The following VWA3B variants were observed in gnomAD, a reference collection of about 807,000 sequenced individuals.
The protein encoded by VWA3B is von Willebrand factor A domain containing 3B.
VWA3B carries 138 observed loss-of-function variants against 158.3 expected under a neutral mutation model. That is an observed-to-expected ratio of 0.87 (90% CI 0.76 to 1.00). The LOEUF (loss-of-function observed/expected upper bound fraction) is 1.00. VWA3B is among the 50% of genes least tolerant of loss of function. The pLI is 0.00. For missense variants in VWA3B, 1,555 were observed against 1,565.1 expected, an observed-to-expected ratio of 0.99 and a Z score of 0.11; for synonymous variants, 596 against 587.3, an observed-to-expected ratio of 1.01 and a Z score of -0.21.
chr2:98,213,322 C>T (rs1178645307), intron 13 of VWA3B, among the ~76,000 whole-genome samples: 2 of 152,196 alleles, frequency 1.3e-5, no homozygotes, highest in Non-Finnish European at 2.9e-5. Context: ...GAGAGGAACT[C>T]TCGGAGGAGC....
chr2:98,249,685 A>C (rs1686670247), intron 19 of VWA3B, among the ~76,000 whole-genome samples: 1 of 152,124 alleles, frequency 6.6e-6, no homozygotes. Flanking sequence ...CACAGAGAGA[A>C]AGAACTCAAA....
chr2:98,236,740 T>C lies in VWA3B; in HGVS notation c.2673+10T>C. 1 of 1,610,166 alleles carries C rather than the reference T, an allele frequency of 6.2e-7. No homozygotes were observed. The highest frequency in any genetic ancestry group is 1.1e-5 in the South Asian group (1 of 90,070). On this transcript the variant is annotated intron_variant, in intron 19 of 27. Transcript: ENST00000477737. ...TAAGGTCTTTGATGAGGTAAACTGATTGTCTATACGTCCCTACTTGAGGCC... is the reference window on the plus strand; with the variant it reads ...TAAGGTCTTTGATGAGGTAAACTGACTGTCTATACGTCCCTACTTGAGGCC...
downstream of VWA3B, among the ~76,000 whole-genome samples, chr2:98,316,004 T>G (rs1414021744): frequency 6.6e-6 from 1 of 152,244 alleles, no homozygotes; most frequent in Non-Finnish European, 1.5e-5. Flanking sequence ...TTCTATACAG[T>G]GGCATCTAAC....
At chr2:98,202,216 C>G (rs1558668350) in intron 12 of VWA3B, among the ~76,000 whole-genome samples, 1 of 152,010 alleles carries the variant, frequency 6.6e-6, no homozygotes, top group Non-Finnish European at 1.5e-5. Flanking sequence ...ATTATCTGTA[C>G]CTCTGTGAGT....
chr2:98,213,102 T>G (rs1683677944), intron 13 of VWA3B, among the ~76,000 whole-genome samples: 1 of 152,134 alleles, frequency 6.6e-6, no homozygotes, highest in Non-Finnish European at 1.5e-5. Flanking sequence ...GAGCTGTGTC[T>G]GGAAAGACAA....
At chr2:98,139,867 G>A (rs2105091080) in intron 7 of VWA3B, among the ~76,000 whole-genome samples, 1 of 152,272 alleles carries the variant, frequency 6.6e-6, no homozygotes, top group East Asian at 1.9e-4. Flanking sequence ...GGCTGTGGAA[G>A]CTTTGTTCTT....
At chr2:98,328,322 G>T in the VWA3B span, among the ~76,000 whole-genome samples, 3 of 152,262 alleles carry the variant, frequency 2.0e-5, no homozygotes, top group African/African-American at 7.2e-5. Context: ...GACCACTTCT[G>T]TTAAACATTG....
At chr2:98,259,437 G>C (rs1316691733) in intron 21 of VWA3B, among the ~76,000 whole-genome samples, 3 of 151,508 alleles carry the variant, frequency 2.0e-5, no homozygotes, top group Non-Finnish European at 3.0e-5. Flanking sequence ...TTGTTATATA[G>C]GCTGTTGAGT....
At chr2:98,308,789 G>T (rs1690697709) in intron 26 of VWA3B, among the ~76,000 whole-genome samples, 2 of 152,170 alleles carry the variant, frequency 1.3e-5, no homozygotes, top group Admixed American at 1.3e-4. Context: ...CACTTAACTA[G>T]CTAGAACTCT....
chr2:98,316,324 T>C (rs775374860), downstream of VWA3B, among the ~76,000 whole-genome samples: 1 of 152,136 alleles, frequency 6.6e-6, no homozygotes, highest in Non-Finnish European at 1.5e-5. Context: ...AGTGATATGG[T>C]TTCCACCCCA....
chr2:98,219,096 C>CTGTT (rs1684272847), intron 14 of VWA3B, among the ~76,000 whole-genome samples: 1 of 152,144 alleles, frequency 6.6e-6, no homozygotes, highest in African/African-American at 2.4e-5. Flanking sequence ...CACCACTTAA[C>CTGTT]AAAGTAAACT....
At chr2:98,299,103 A>G (rs1690020901) in intron 24 of VWA3B, among the ~76,000 whole-genome samples, 1 of 152,188 alleles carries the variant, frequency 6.6e-6, no homozygotes, top group Admixed American at 6.5e-5. Context: ...GATTGGCCTT[A>G]GGTTCCCTGC....
intron 7 of VWA3B, among the ~76,000 whole-genome samples, chr2:98,138,661 C>T (rs1676477844): frequency 6.6e-6 from 1 of 152,240 alleles, no homozygotes; most frequent in Admixed American, 6.5e-5. Context: ...AATAATTACT[C>T]ACCTGCGTGA....
intron 8 of VWA3B, among the ~76,000 whole-genome samples, chr2:98,179,779 CTCTTTCTTTTCTTTCTT>C (rs1370779720): frequency 1.1e-5 from 1 of 90,884 alleles, no homozygotes; most frequent in African/African-American, 3.7e-5. Context: ...CTCTTTCTTT[CTCTTTCTTTTCTTTCTT>C]TCTTTCTTTC....
At chr2:98,168,544 G>A (rs1473936416) in intron 8 of VWA3B, among the ~76,000 whole-genome samples, 6 of 152,014 alleles carry the variant, frequency 3.9e-5, no homozygotes, top group African/African-American at 1.2e-4. Flanking sequence ...CTTCAAGAAA[G>A]ATATTTAAAA....
intron 2 of VWA3B, among the ~76,000 whole-genome samples, chr2:98,104,950 T>C (rs1183121185): frequency 6.6e-6 from 1 of 152,232 alleles, no homozygotes; most frequent in Non-Finnish European, 1.5e-5. Context: ...ACTGTTTTAA[T>C]GTATTTTATT....
intron 21 of VWA3B, among the ~76,000 whole-genome samples, chr2:98,268,644 G>A (rs369305636): frequency 6.2e-5 from 9 of 146,122 alleles, no homozygotes; most frequent in African/African-American, 2.3e-4. Flanking sequence ...TTGTTGTTTT[G>A]AATTATTTTT....
Position 98,115,763 on chromosome 2 carries a change from T to G in VWA3B, c.291+17T>G, listed in dbSNP as rs768585767. The G allele has an allele frequency of 6.3e-7, 1 of 1,592,014 alleles. No individual in the cohort carries two copies. The highest frequency in any genetic ancestry group is 8.6e-7 in the Non-Finnish European group (1 of 1,162,012). ...GTATACAATGTAAGTCAGAGTTCCC[T>G]CAATGCGCAGTCCTGTGACATGGTG... On this transcript the variant is annotated intron_variant, in intron 3 of 27. Coordinates refer to ENST00000477737, the MANE Select transcript of VWA3B (RefSeq NM_144992.5).
At chr2:98,244,259 G>A (rs1037458248) in intron 19 of VWA3B, among the ~76,000 whole-genome samples, 1 of 151,992 alleles carries the variant, frequency 6.6e-6, no homozygotes, top group Non-Finnish European at 1.5e-5. Flanking sequence ...CCCAATTGGG[G>A]GCAGTTTACT....
Sources: gnomAD v4.1 joint callset for allele counts (sites outside exome capture counted in the v4.1 genomes callset) on GRCh38, gnomAD v4.1.1 for gene constraint, MANE v1.5 for transcripts, NCBI Gene and HGNC (gene_info 2026-07-23, HGNC 2026-07-21) for gene names.